Variants in SLC66A1 observed in about 807,000 individuals in gnomAD.
SLC66A1 encodes solute carrier family 66 member 1.
In SLC66A1, 23 loss-of-function variants were observed where a neutral mutation model predicts 33.0. The ratio of observed to expected loss-of-function variants is 0.70; its 90% CI spans 0.50 to 0.99. The LOEUF (loss-of-function observed/expected upper bound fraction) is 0.99, where lower values mean the gene tolerates loss of function less well. SLC66A1 is among the 50% of genes least tolerant of loss of function. The pLI, the probability that SLC66A1 is intolerant of heterozygous loss-of-function variation, is 0.00. For synonymous variants in SLC66A1, 164 were observed against 175.5 expected (o/e 0.93, Z 0.52); for missense variants, 335 against 383.6 (o/e 0.87, Z 1.06).
At chr1:19,315,787 A>T (rs2093801912) in intron 1 of SLC66A1, among the ~76,000 whole-genome samples, 1 of 152,124 alleles carries the variant, frequency 6.6e-6, no homozygotes, top group Non-Finnish European at 1.5e-5. Flanking sequence ...CTGGTGACAG[A>T]TGGACCTGAG....
Position 19,327,404 on chromosome 1 carries a change from G to A in SLC66A1, c.796G>A (p.Asp266Asn), listed in dbSNP as rs376423282. 6 of 1,591,156 alleles carry A rather than the reference G, an allele frequency of 3.8e-6. No homozygotes were observed. The highest frequency in any genetic ancestry group is 3.4e-5 in the Admixed American group (2 of 58,758). The change falls in exon 7 of 8, where the codon GAC becomes AAC. Residue 266 changes from aspartate (D) to asparagine (N), a missense_variant. Coordinates refer to ENST00000375153, the MANE Select transcript of SLC66A1 (RefSeq NM_001040125.2). ...LVGSLGVLLLDTIISIQFLVY... is the reference protein window; with the variant it reads ...LVGSLGVLLLNTIISIQFLVY... ...GGGCAGCCTGGGCGTGCTGCTGCTC[G>A]ACACCATCGTATCCTTCAGGGCGTG...
At chr1:19,323,783 G>C (rs920940516) in intron 2 of SLC66A1, among the ~76,000 whole-genome samples, 7 of 152,294 alleles carry the variant, frequency 4.6e-5, no homozygotes, top group African/African-American at 1.7e-4. Flanking sequence ...AACAGTAAAT[G>C]GCAGTATGTA....
At position 19,325,599 on chromosome 1, in the gene SLC66A1, C is replaced by T. The variant is rs550943470; in HGVS notation, c.382+17C>T. 5.2e-6 allele frequency: 8 copies of T among 1,530,062 alleles called. No individual in the cohort carries two copies. In the South Asian group the frequency reaches 9.0e-5, roughly 17 times the overall value. 94.8% of individuals were successfully genotyped at this position (1,530,062 alleles called of 1,614,324 possible). A position where few individuals can be genotyped will look rare whatever the true frequency, so the allele number is the denominator to read the frequency against. ...CCTCTCTGTGTGAGTATGGGGACCG[C>T]TCTCTGTCAGATGCTCTACCAGCAG... On this transcript the variant is annotated intron_variant, in intron 4 of 7. Transcript: ENST00000375153.
At chr1:19,319,605 G>GTTTTTT (rs569177720) in intron 2 of SLC66A1, among the ~76,000 whole-genome samples, 28,628 of 111,342 alleles carry the variant, frequency 0.26, 5,398 homozygotes, top group South Asian at 0.33. Context: ...GCACATTCAT[G>GTTTTTT]TTTTTTTTTT....
intron 2 of SLC66A1, among the ~76,000 whole-genome samples, chr1:19,320,835 C>T (rs2093833212): frequency 6.7e-6 from 1 of 149,690 alleles, no homozygotes; most frequent in Non-Finnish European, 1.5e-5. Flanking sequence ...GCCTCAGCCT[C>T]CTGAGGAGCT....
At chr1:19,333,864 A>G (rs2093898156), downstream of SLC66A1, among the ~76,000 whole-genome samples, 1 of 152,068 alleles carries the variant, frequency 6.6e-6, no homozygotes, top group Non-Finnish European at 1.5e-5. The surrounding 1 kb of genome is among the most constrained non-coding windows in gnomAD (Gnocchi z 4.2). Context: ...AGACAGCACC[A>G]CTGCACTCCA....
chr1:19,312,919 C>T (rs1242515554), intron 1 of SLC66A1, 30 bp downstream of exon 1: 2 of 152,870 alleles, frequency 1.3e-5, no homozygotes, highest in Non-Finnish European at 2.9e-5. Context: ...AATGGAGAGT[C>T]TGAGTCTGGA....
chr1:19,325,641 G>GC lies in SLC66A1; in HGVS notation c.382+59_382+60insC, dbSNP rs74347523. ...TACCAGCAGCAGGGGGCAGTTGTGG[G>GC]GGGGGGCGCCTGGAGTGTGGGAGGA... On this transcript the variant is annotated intron_variant, in intron 4 of 7. Coordinates refer to ENST00000375153, the MANE Select transcript of SLC66A1 (RefSeq NM_001040125.2). 1.1e-4 allele frequency: 113 copies of GC among 1,058,950 alleles called. 6 individuals carry two copies. The African/African-American group carries it at 1.2e-3, about 11-fold the overall frequency. 65.6% of individuals were successfully genotyped at this position (1,058,950 alleles called of 1,614,324 possible).
At chr1:19,327,110 G>GAA (rs2093872246) in intron 6 of SLC66A1, 117 bp from the exon 7 acceptor site, 1 of 1,075,474 alleles carries the variant, frequency 9.3e-7, no homozygotes, top group Admixed American at 2.3e-5. Flanking sequence ...GGCACCCAGG[G>GAA]AAAGATTGGC....
chr1:19,331,038 G>A (rs2093890982), downstream of SLC66A1, among the ~76,000 whole-genome samples: 1 of 152,120 alleles, frequency 6.6e-6, no homozygotes, highest in Non-Finnish European at 1.5e-5. Context: ...TTGACACAGA[G>A]TCTTGCTCTG....
At chr1:19,327,545 C>CTCCCTCCCTCCA (rs1558154239) in intron 7 of SLC66A1, 133 bp downstream of exon 7, 1 of 1,042,492 alleles carries the variant, frequency 9.6e-7, no homozygotes, top group Non-Finnish European at 1.5e-6. Flanking sequence ...CCCTCCCTCC[C>CTCCCTCCCTCCA]TCCCTCCCTC....
At chr1:19,314,446 A>G (rs776231203) in intron 1 of SLC66A1, among the ~76,000 whole-genome samples, 2 of 152,174 alleles carry the variant, frequency 1.3e-5, no homozygotes, top group African/African-American at 2.4e-5. Context: ...CAACACACAC[A>G]TGCTGAGATG....
intron 3 of SLC66A1, among the ~76,000 whole-genome samples, chr1:19,325,101 A>T (rs1460129160): frequency 2.0e-5 from 3 of 152,164 alleles, no homozygotes; most frequent in Non-Finnish European, 2.9e-5. Flanking sequence ...CCCAGATGCC[A>T]TCCTGCTCCT....
chr1:19,312,377 A>G lies in SLC66A1; in HGVS notation c.-591A>G. On this transcript the variant is annotated 5_prime_UTR_variant, in exon 1 of 8. Transcript: ENST00000375153. ...GGACGTGGTGAGCCGGACCGGGGGC[A>G]GGTGGCAAACTTCACGGCTGGGGGT... 4.2e-6 allele frequency: 1 copy of G among 239,860 alleles called. No homozygotes were observed. Among genetic ancestry groups the G allele is most frequent in the Non-Finnish European group, 7.9e-6 (1 of 126,568 alleles). The allele number at this position is 239,860 out of a possible 1,614,324, so 14.9% of individuals were successfully genotyped here.
chr1:19,326,562 T>C lies in SLC66A1; in HGVS notation c.557T>C (p.Val186Ala). 14 of 1,614,212 alleles carry C rather than the reference T, an allele frequency of 8.7e-6. No homozygotes were observed. Among genetic ancestry groups the C allele is most frequent in the Non-Finnish European group, 1.1e-5 (13 of 1,180,034 alleles). Reference sequence around the variant, plus strand: ...ACCCGGCAGGAAGTCATTGGCTTCGTCATCGGCTCCATCTCCAGCGTGTTG... The same window carrying C: ...ACCCGGCAGGAAGTCATTGGCTTCGCCATCGGCTCCATCTCCAGCGTGTTG... ...PFTRQEVIGF[V>A]IGSISSVLYL... Residue 186 changes from valine (V) to alanine (A), a missense_variant, in exon 6 of 8, where the codon GTC (valine) becomes GCC (alanine). Coordinates refer to ENST00000375153, the MANE Select transcript of SLC66A1 (RefSeq NM_001040125.2).
chr1:19,327,610 C>T (rs1290509964), intron 7 of SLC66A1, 198 bp downstream of exon 7: 1 of 766,848 alleles, frequency 1.3e-6, no homozygotes, highest in Non-Finnish European at 2.3e-6. Flanking sequence ...CAGCTGGACC[C>T]TGGAGCCGTG....
chr1:19,328,485 G>C lies in SLC66A1; in HGVS notation c.805-87G>C, dbSNP rs1420580688. Reference sequence around the variant, plus strand: ...GCGTGGGGGTGGGAGGGAGGGGAGAGGGAGGCAGCTCCCAGGAGTCGAAGG... The same window carrying C: ...GCGTGGGGGTGGGAGGGAGGGGAGACGGAGGCAGCTCCCAGGAGTCGAAGG... On this transcript the variant is annotated intron_variant, in intron 7 of 7. Transcript: ENST00000375153. This position sits in a 1 kb window ranked among gnomAD's most constrained non-coding sequence, Gnocchi z 4.7. The C allele has an allele frequency of 6.3e-6, 8 of 1,260,756 alleles. No individual in the cohort carries two copies. The highest frequency in any genetic ancestry group is 1.5e-5 in the African/African-American group (1 of 67,328). The allele number at this position is 1,260,756 out of a possible 1,614,324, so 78.1% of individuals were successfully genotyped here.
At chr1:19,325,112 G>A (rs1394860995) in intron 3 of SLC66A1, among the ~76,000 whole-genome samples, 4 of 152,230 alleles carry the variant, frequency 2.6e-5, no homozygotes, top group African/African-American at 9.6e-5. Flanking sequence ...TCCTGCTCCT[G>A]TGGGCAGGCA....
rs573458046 is a variant in SLC66A1 at position 19,320,676 on chromosome 1, A to G, written c.164+2835A>G. 6.6e-5 allele frequency among the ~76,000 whole-genome samples: 10 copies of G among 150,926 alleles called. 1 individual carries two copies. In the South Asian group the frequency reaches 1.3e-3, roughly 19 times the overall value. ...GTGATCCGCCCGCCTTGGCCTCCCAAAGTGCTGGGATTACAGGCGTGAGCC... is the reference window on the plus strand; with the variant it reads ...GTGATCCGCCCGCCTTGGCCTCCCAGAGTGCTGGGATTACAGGCGTGAGCC... On this transcript the variant is annotated intron_variant, in intron 2 of 7. Transcript: ENST00000375153.
Sources: allele counts gnomAD v4.1 joint callset (sites outside exome capture counted in the v4.1 genomes callset), GRCh38; gene constraint gnomAD v4.1.1; non-coding constraint Gnocchi (gnomAD v3.1); transcripts MANE v1.5; gene names NCBI Gene and HGNC (gene_info 2026-07-23, HGNC 2026-07-21).